The following UHRF2 variants were observed in gnomAD, a reference collection of about 807,000 sequenced individuals.
UHRF2 encodes E3 ubiquitin-protein ligase UHRF2.
Under a neutral mutation model 96.8 loss-of-function variants are expected in UHRF2, and 23 were observed. That is an observed-to-expected ratio of 0.24 (90% CI 0.17 to 0.34). The LOEUF (loss-of-function observed/expected upper bound fraction) is 0.34, where lower values mean the gene tolerates loss of function less well. UHRF2 is among the 10% of genes least tolerant of loss of function. The pLI is 1.00. For missense variants in UHRF2, 685 were observed against 981.5 expected (o/e 0.70, Z 4.04); for synonymous variants, 385 against 332.6 (o/e 1.16, Z -1.72).
chr9:6,467,595 G>GTTTTTTTTTT (rs34366483), intron 4 of UHRF2, among the ~76,000 whole-genome samples: 2 of 99,168 alleles, frequency 2.0e-5, no homozygotes, highest in Non-Finnish European at 3.9e-5. Context: ...CGAGAGAATA[G>GTTTTTTTTTT]TTTTTTTTTT....
chr9:6,417,627 A>G (rs1206716184), intron 1 of UHRF2, among the ~76,000 whole-genome samples: 2 of 152,226 alleles, frequency 1.3e-5, no homozygotes, highest in African/African-American at 4.8e-5. Context: ...TCACTATTGT[A>G]GGAAGACTGG....
chr9:6,416,702 G>A (rs1285394327), intron 1 of UHRF2, among the ~76,000 whole-genome samples: 1 of 151,988 alleles, frequency 6.6e-6, no homozygotes, highest in African/African-American at 2.4e-5. Flanking sequence ...ACTGCGCCCG[G>A]CTGATTTTTT....
Position 6,484,181 on chromosome 9 carries a change from C to T in UHRF2, c.1392+2082C>T, listed in dbSNP as rs1212457841. Among the ~76,000 whole-genome samples the T allele has an allele frequency of 2.0e-5, 3 of 151,748 alleles. No individual in the cohort carries two copies. The East Asian group carries it at 5.8e-4, about 29-fold the overall frequency. ...AGACTTCTGGGCTCAAGTGATCATT[C>T]CACCTAGCTAGGACTAAAGATGTAA... On this transcript the variant is annotated intron_variant, in intron 8 of 15. Transcript: ENST00000276893.
At chr9:6,501,014 C>T (rs946254997) in intron 14 of UHRF2, among the ~76,000 whole-genome samples, 2 of 152,146 alleles carry the variant, frequency 1.3e-5, no homozygotes, top group African/African-American at 4.8e-5. Context: ...AAAATCACCA[C>T]GAAAGTTTTT....
In UHRF2 at chr9:6,475,409, A is replaced by G; in HGVS notation, c.882A>G (p.Leu294=). The G allele has an allele frequency of 6.4e-7, 1 of 1,571,924 alleles. No homozygotes were observed. The highest frequency in any genetic ancestry group is 8.6e-7 in the Non-Finnish European group (1 of 1,158,610). ...KIFLGGSEGT[L]NDCKIISVDE... ...TAAACAGGGGTTCTGAAGGAACATT[A>G]AATGACTGCAAGATAATATCTGTAG... The change falls in exon 5 of 16, where the codon TTA becomes TTG. Residue 294 remains leucine, a synonymous_variant. Coordinates refer to ENST00000276893, the MANE Select transcript of UHRF2 (RefSeq NM_152896.3).
chr9:6,453,925 G>A (rs1587817477), intron 3 of UHRF2, among the ~76,000 whole-genome samples: 2 of 152,024 alleles, frequency 1.3e-5, no homozygotes, highest in Non-Finnish European at 2.9e-5. Flanking sequence ...AAAAAGTAGG[G>A]ATTGAAATGG....
chr9:6,444,857 C>G (rs1430680738), intron 3 of UHRF2, among the ~76,000 whole-genome samples: 1 of 152,184 alleles, frequency 6.6e-6, no homozygotes, highest in Non-Finnish European at 1.5e-5. Flanking sequence ...CTGCCCCGGC[C>G]TCCCAAAGTG....
intron 1 of UHRF2, among the ~76,000 whole-genome samples, chr9:6,416,190 A>C (rs1224498003): frequency 6.6e-6 from 1 of 152,134 alleles, no homozygotes; most frequent in Non-Finnish European, 1.5e-5. Context: ...CAGTCTCCCA[A>C]GTAGCTGGGA....
intron 4 of UHRF2, among the ~76,000 whole-genome samples, chr9:6,465,861 G>A (rs1228098005): frequency 6.6e-6 from 1 of 152,086 alleles, no homozygotes. Context: ...GTACCAAAAA[G>A]TACATATGCT....
At chr9:6,467,596 T>TG (rs1491258782) in intron 4 of UHRF2, among the ~76,000 whole-genome samples, 6 of 67,798 alleles carry the variant, frequency 8.8e-5, no homozygotes, top group Non-Finnish European at 1.3e-4. Flanking sequence ...GAGAGAATAG[T>TG]TTTTTTTTTT....
At position 6,506,289 on chromosome 9, in the gene UHRF2, C is replaced by T; in HGVS notation, c.*110C>T. The T allele has an allele frequency of 7.2e-7, 1 of 1,395,170 alleles. No homozygotes were observed. Among genetic ancestry groups the T allele is most frequent in the Non-Finnish European group, 9.7e-7 (1 of 1,028,284 alleles). The allele number at this position is 1,395,170 out of a possible 1,614,324, so 86.4% of individuals were successfully genotyped here. A position where few individuals can be genotyped will look rare whatever the true frequency, so the allele number is the denominator to read the frequency against. On this transcript the variant is annotated 3_prime_UTR_variant, in exon 16 of 16. Transcript: ENST00000276893. ...GGACTGTATCTCTCACGTTCTGAAG[C>T]AGCTAATCCTCTTTCCCACATAGCC...
chr9:6,445,012 C>T (rs747394395), intron 3 of UHRF2, among the ~76,000 whole-genome samples: 6 of 150,962 alleles, frequency 4.0e-5, no homozygotes, highest in Admixed American at 1.3e-4. Flanking sequence ...GGGTTGAGGC[C>T]GGTCATGGTG....
intron 2 of UHRF2, among the ~76,000 whole-genome samples, chr9:6,425,646 C>A (rs1820213240): frequency 1.3e-5 from 2 of 152,064 alleles, no homozygotes. Flanking sequence ...GCCTGTAATC[C>A]CAGCTACTCG....
At chr9:6,420,228 T>C (rs1299410261) in intron 1 of UHRF2, among the ~76,000 whole-genome samples, 1 of 151,882 alleles carries the variant, frequency 6.6e-6, no homozygotes, top group African/African-American at 2.4e-5. Flanking sequence ...GCTAATACTT[T>C]GTATTTCTAG....
At chr9:6,455,809 C>G (rs13302032) in intron 3 of UHRF2, among the ~76,000 whole-genome samples, 4,802 of 152,044 alleles carry the variant, frequency 0.032, 129 homozygotes, top group Middle Eastern at 0.061. Context: ...CATGGTGAGA[C>G]CCTGTCTCCA....
chr9:6,434,503 A>G (rs957280271), intron 3 of UHRF2, among the ~76,000 whole-genome samples: 6 of 152,150 alleles, frequency 3.9e-5, no homozygotes, highest in Non-Finnish European at 7.3e-5. Flanking sequence ...GAATGGCACA[A>G]TCTCGCCTCA....
At chr9:6,501,472 G>C (rs1288089619) in intron 14 of UHRF2, among the ~76,000 whole-genome samples, 1 of 152,150 alleles carries the variant, frequency 6.6e-6, no homozygotes, top group African/African-American at 2.4e-5. Context: ...TAGGCTGAAA[G>C]CAGCAACACA....
intron 3 of UHRF2, among the ~76,000 whole-genome samples, chr9:6,456,305 CAT>C (rs571021333): frequency 6.6e-6 from 1 of 152,020 alleles, no homozygotes; most frequent in African/African-American, 2.4e-5. Context: ...AGCTTTTTTT[CAT>C]ATGTTTGTTG....
intron 4 of UHRF2, among the ~76,000 whole-genome samples, chr9:6,470,962 A>G (rs889969601): frequency 5.3e-5 from 8 of 152,232 alleles, no homozygotes; most frequent in African/African-American, 1.4e-4. Context: ...AAGCATTTCA[A>G]GACAATGATC....
Sources: allele counts gnomAD v4.1 joint callset (sites outside exome capture counted in the v4.1 genomes callset), GRCh38; gene constraint gnomAD v4.1.1; transcripts MANE v1.5; gene names NCBI Gene and HGNC (gene_info 2026-07-23, HGNC 2026-07-21).